The following NKAIN3 variants were observed in gnomAD, a reference collection of about 807,000 sequenced individuals.
The protein encoded by NKAIN3 is sodium/potassium-transporting ATPase subunit beta-1-interacting protein 3.
Under a neutral mutation model 30.2 loss-of-function variants are expected in NKAIN3, and 25 were observed. The observed-to-expected ratio is 0.83, with a 90% CI of 0.60 to 1.16. NKAIN3 has a LOEUF of 1.16. Ranked by LOEUF, NKAIN3 falls within the 50% of genes most tolerant of loss-of-function variation. The probability of loss-of-function intolerance (pLI) is 0.00; values close to 1 mark genes in which losing one functional copy is unlikely to be tolerated. For missense variants in NKAIN3, 225 were observed against 254.1 expected (o/e 0.89, Z 0.78); for synonymous variants, 91 against 89.6 (o/e 1.02, Z -0.09).
At chr8:62,868,949 A>G (rs1820506109) in intron 4 of NKAIN3, among the ~76,000 whole-genome samples, 1 of 152,118 alleles carries the variant, frequency 6.6e-6, no homozygotes, top group Non-Finnish European at 1.5e-5. Context: ...GGGAAAAAAA[A>G]AAGGATTAGA....
intron 1 of NKAIN3, among the ~76,000 whole-genome samples, chr8:62,481,438 T>C (rs1331381203): frequency 6.6e-6 from 1 of 152,148 alleles, no homozygotes; most frequent in Non-Finnish European, 1.5e-5. Flanking sequence ...TGCATAACTC[T>C]ATCATTGGAC....
chr8:62,774,135 T>C (rs1168854152), intron 4 of NKAIN3, among the ~76,000 whole-genome samples: 1 of 152,226 alleles, frequency 6.6e-6, no homozygotes, highest in African/African-American at 2.4e-5. Context: ...TTGGTTAAGT[T>C]AATTTCTGCA....
chr8:62,663,309 A>G (rs752961052), intron 3 of NKAIN3, among the ~76,000 whole-genome samples: 1 of 152,220 alleles, frequency 6.6e-6, no homozygotes, highest in Non-Finnish European at 1.5e-5. Flanking sequence ...ATGAGTTTGA[A>G]GCAGGAAAGA....
intron 3 of NKAIN3, among the ~76,000 whole-genome samples, chr8:62,744,038 T>G (rs1161674071): frequency 2.0e-5 from 3 of 152,200 alleles, no homozygotes; most frequent in Non-Finnish European, 4.4e-5. Flanking sequence ...TCTGGTTCGT[T>G]CTGGTTCTAT....
intron 3 of NKAIN3, among the ~76,000 whole-genome samples, chr8:62,665,715 C>T (rs966522782): frequency 6.6e-6 from 1 of 152,142 alleles, no homozygotes; most frequent in Non-Finnish European, 1.5e-5. Flanking sequence ...AGTCTGGTGG[C>T]TTCCTGTGCC....
At chr8:62,512,178 A>G (rs1807833937) in intron 1 of NKAIN3, among the ~76,000 whole-genome samples, 1 of 152,158 alleles carries the variant, frequency 6.6e-6, no homozygotes, top group African/African-American at 2.4e-5. Flanking sequence ...GTTTTTATCT[A>G]TGAAGATTGC....
At chr8:62,722,239 G>T (rs1383149365) in intron 3 of NKAIN3, among the ~76,000 whole-genome samples, 2 of 152,168 alleles carry the variant, frequency 1.3e-5, no homozygotes, top group Admixed American at 6.5e-5. Flanking sequence ...AGCTAAAAGT[G>T]CCTTGCTTCA....
At chr8:62,734,808 G>A (rs1042980737) in intron 3 of NKAIN3, among the ~76,000 whole-genome samples, 7 of 152,154 alleles carry the variant, frequency 4.6e-5, no homozygotes, top group African/African-American at 7.2e-5. Flanking sequence ...TAAGAGTCAC[G>A]TTATCATCTG....
chr8:62,946,679 T>C (rs1823134171), intron 5 of NKAIN3, among the ~76,000 whole-genome samples: 1 of 152,198 alleles, frequency 6.6e-6, no homozygotes, highest in Non-Finnish European at 1.5e-5. Flanking sequence ...ATTTGAGTTC[T>C]TCAAATGTTT....
At chr8:62,864,534 C>T (rs749905650) in intron 4 of NKAIN3, among the ~76,000 whole-genome samples, 1 of 152,134 alleles carries the variant, frequency 6.6e-6, no homozygotes, top group Non-Finnish European at 1.5e-5. Context: ...CATATAACAG[C>T]TCCTATGAAC....
intron 1 of NKAIN3, among the ~76,000 whole-genome samples, chr8:62,435,377 A>G (rs1402762687): frequency 6.6e-6 from 1 of 152,148 alleles, no homozygotes; most frequent in African/African-American, 2.4e-5. Context: ...TACTCTTACC[A>G]AAAACCACAC....
At chr8:62,578,486 GTT>G (rs1810188263) in intron 1 of NKAIN3, among the ~76,000 whole-genome samples, 1 of 152,008 alleles carries the variant, frequency 6.6e-6, no homozygotes, top group South Asian at 2.1e-4. Context: ...GTTAACTCTA[GTT>G]TTAGATCAGA....
chr8:62,329,069 G>A (rs1442895861), intron 1 of NKAIN3, among the ~76,000 whole-genome samples: 2 of 151,888 alleles, frequency 1.3e-5, no homozygotes, highest in Non-Finnish European at 2.9e-5. Flanking sequence ...AGGATCTAAA[G>A]CCTTCTGCCA....
chr8:62,697,037 C>T (rs1025660504), intron 3 of NKAIN3, among the ~76,000 whole-genome samples: 2 of 152,156 alleles, frequency 1.3e-5, no homozygotes, highest in African/African-American at 4.8e-5. Flanking sequence ...AAGGAAGAGA[C>T]TTGGGCTGAA....
At chr8:62,641,095 A>C (rs191401451) in intron 3 of NKAIN3, among the ~76,000 whole-genome samples, 3 of 152,110 alleles carry the variant, frequency 2.0e-5, no homozygotes, top group South Asian at 2.1e-4. Flanking sequence ...TTAGAAATGC[A>C]TCTTGGTTCT....
At chr8:62,520,201 G>A (rs1013459037) in intron 1 of NKAIN3, among the ~76,000 whole-genome samples, 6 of 152,026 alleles carry the variant, frequency 3.9e-5, no homozygotes, top group Non-Finnish European at 7.4e-5. Context: ...TGACCCTGTG[G>A]TGCACTATTT....
intron 3 of NKAIN3, among the ~76,000 whole-genome samples, chr8:62,616,524 C>A (rs1386397423): frequency 6.6e-6 from 1 of 152,150 alleles, no homozygotes. Flanking sequence ...TGCCAGTGTA[C>A]CACGGGCAGC....
At chr8:62,883,959 T>C (rs1228552538) in intron 4 of NKAIN3, among the ~76,000 whole-genome samples, 2 of 152,196 alleles carry the variant, frequency 1.3e-5, no homozygotes, top group African/African-American at 2.4e-5. Flanking sequence ...TCTGTGTGCC[T>C]ATGATCCTGT....
At chr8:62,799,113 G>C (rs1379360157) in intron 4 of NKAIN3, among the ~76,000 whole-genome samples, 2 of 152,166 alleles carry the variant, frequency 1.3e-5, no homozygotes, top group Non-Finnish European at 2.9e-5. Context: ...GACTGGAAAT[G>C]GAGGGGAATT....
Sources: gnomAD v4.1 joint callset for allele counts (sites outside exome capture counted in the v4.1 genomes callset) on GRCh38, gnomAD v4.1.1 for gene constraint, MANE v1.5 for transcripts, NCBI Gene and HGNC (gene_info 2026-07-23, HGNC 2026-07-21) for gene names.